The following EIF4G3 variants were observed in gnomAD, a reference collection of about 807,000 sequenced individuals.
The protein encoded by EIF4G3 is eIF-4-gamma 3.
A neutral mutation model predicts 186.4 loss-of-function variants in EIF4G3; 34 were observed. The observed-to-expected ratio is 0.18, with a 90% CI of 0.14 to 0.24. The LOEUF (loss-of-function observed/expected upper bound fraction) is 0.24, where lower values mean the gene tolerates loss of function less well. EIF4G3 is among the 10% of genes least tolerant of loss of function. The pLI is 1.00. For missense variants in EIF4G3, 1,536 were observed against 1,948.5 expected (o/e 0.79, Z 3.99); for synonymous variants, 673 against 679.5 (o/e 0.99, Z 0.15).
intron 13 of EIF4G3, among the ~76,000 whole-genome samples, chr1:20,944,803 G>T: frequency 6.6e-6 from 1 of 151,030 alleles, no homozygotes; most frequent in East Asian, 2.0e-4. Context: ...GGGAGGCCAA[G>T]GGGGAGGATC....
At chr1:20,843,102 G>T (rs1351375760) in intron 29 of EIF4G3, among the ~76,000 whole-genome samples, 1 of 152,028 alleles carries the variant, frequency 6.6e-6, no homozygotes, top group Non-Finnish European at 1.5e-5. Context: ...GCCTCCAAAA[G>T]TGCTGGGATT....
chr1:21,017,394 C>T (rs1211956518), intron 4 of EIF4G3, among the ~76,000 whole-genome samples: 4 of 151,876 alleles, frequency 2.6e-5, no homozygotes, highest in African/African-American at 7.3e-5. Flanking sequence ...TTTGGGAGGC[C>T]GAGGTGGGTG....
At chr1:20,820,382 C>G (rs543852963) in intron 33 of EIF4G3, among the ~76,000 whole-genome samples, 141 of 152,330 alleles carry the variant, frequency 9.3e-4, no homozygotes, top group African/African-American at 3.2e-3. Flanking sequence ...CAGTCAGCAC[C>G]CTCGGGTGTC....
chr1:20,810,972 C>A lies in EIF4G3; in HGVS notation c.4598-88G>T. ...TTCTTTCTTTTTTCTTTTTTTGAGACAGAGCCTCACTCTATTGCCCAGGCT... is the reference window on the plus strand; with the variant it reads ...TTCTTTCTTTTTTCTTTTTTTGAGAAAGAGCCTCACTCTATTGCCCAGGCT... On this transcript the variant is annotated intron_variant, in intron 35 of 36. Transcript: ENST00000602326. The surrounding 1 kb of genome is among the most constrained non-coding windows in gnomAD (Gnocchi z 4.1). The A allele has an allele frequency of 7.5e-7, 1 of 1,327,700 alleles. No individual in the cohort carries two copies. 82.2% of individuals were successfully genotyped at this position (1,327,700 alleles called of 1,614,324 possible).
At chr1:21,159,135 AAAAT>A (rs1234893229) in intron 2 of EIF4G3, among the ~76,000 whole-genome samples, 3 of 152,226 alleles carry the variant, frequency 2.0e-5, no homozygotes, top group African/African-American at 7.2e-5. Context: ...GCAAAGCTTA[AAAAT>A]AAAAAAACAA....
intron 3 of EIF4G3, among the ~76,000 whole-genome samples, chr1:21,070,925 A>G (rs1475071749): frequency 2.6e-5 from 4 of 152,324 alleles, no homozygotes; most frequent in South Asian, 4.1e-4. Flanking sequence ...TCATTTTATT[A>G]TATTTCATTC....
chr1:21,093,871 A>G (rs2096275951), intron 2 of EIF4G3, among the ~76,000 whole-genome samples: 1 of 152,056 alleles, frequency 6.6e-6, no homozygotes, highest in Admixed American at 6.6e-5. Context: ...ACCAAACACC[A>G]CATGTTCTCA....
intron 2 of EIF4G3, among the ~76,000 whole-genome samples, chr1:21,147,967 T>C (rs886595728): frequency 2.0e-4 from 30 of 152,322 alleles, no homozygotes; most frequent in Middle Eastern, 3.4e-3. Flanking sequence ...TATACATCAA[T>C]TTTCCTAGTG....
chr1:20,809,733 G>GAC (rs1185028310), intron 36 of EIF4G3, among the ~76,000 whole-genome samples: 4 of 152,154 alleles, frequency 2.6e-5, no homozygotes, highest in Non-Finnish European at 5.9e-5. Flanking sequence ...GTCCAATATG[G>GAC]AAGCTATTAG....
At chr1:20,909,308 T>C (rs555747968) in intron 14 of EIF4G3, among the ~76,000 whole-genome samples, 1 of 152,352 alleles carries the variant, frequency 6.6e-6, no homozygotes, top group Non-Finnish European at 1.5e-5. Context: ...ACTCTCTTTT[T>C]CTTTGCAGAA....
chr1:20,860,695 T>TA (rs1248475066), intron 23 of EIF4G3, among the ~76,000 whole-genome samples, 178 bp from the exon 24 acceptor site: 1 of 152,202 alleles, frequency 6.6e-6, no homozygotes, highest in Non-Finnish European at 1.5e-5. Flanking sequence ...GCTGAAGGAT[T>TA]AAAATCTTCT....
In EIF4G3 at chr1:21,007,674, C is replaced by T. The variant is rs149288713; in HGVS notation, c.-66-4866G>A. On this transcript the variant is annotated intron_variant, in intron 4 of 36. Transcript: ENST00000602326. The stretch of plus-strand genomic sequence containing the variant: ...GTCAACATACATCATGGAAAGATGT[C>T]CATAATAATATTAAGTGACAAAAGC... Among the ~76,000 whole-genome samples the T allele has an allele frequency of 3.8e-3, 573 of 151,498 alleles. 4 individuals carry two copies. Among genetic ancestry groups the T allele is most frequent in the African/African-American group, 0.013 (551 of 41,382 alleles).
chr1:20,860,046 A>T (rs1489198437), intron 24 of EIF4G3, among the ~76,000 whole-genome samples: 2 of 152,212 alleles, frequency 1.3e-5, no homozygotes, highest in Non-Finnish European at 2.9e-5. Context: ...TGCTTGTCAA[A>T]AGTTTTACCT....
chr1:20,810,587 CA>C lies in EIF4G3; in HGVS notation c.4744+150del. The C allele has an allele frequency of 1.0e-6, 1 of 984,416 alleles. No homozygotes were observed. Among genetic ancestry groups the C allele is most frequent in the South Asian group, 1.7e-5 (1 of 59,534 alleles). 61.0% of individuals were successfully genotyped at this position (984,416 alleles called of 1,614,324 possible). A position where few individuals can be genotyped will look rare whatever the true frequency, so the allele number is the denominator to read the frequency against. On this transcript the variant is annotated intron_variant, in intron 36 of 36. Transcript: ENST00000602326. The surrounding 1 kb of genome is among the most constrained non-coding windows in gnomAD (Gnocchi z 4.1). Reference sequence around the variant, plus strand: ...ATAGGCGCAAGCCACTGCACCCGGCCAAATTCAAATTTATTAAAGTTAGTTA... The same window carrying C: ...ATAGGCGCAAGCCACTGCACCCGGCCAATTCAAATTTATTAAAGTTAGTTA...
intron 4 of EIF4G3, among the ~76,000 whole-genome samples, chr1:21,027,587 C>T (rs1347669092): frequency 6.6e-6 from 1 of 151,694 alleles, no homozygotes; most frequent in Non-Finnish European, 1.5e-5. Context: ...CCGAGATCGC[C>T]CCACTGCACT....
intron 6 of EIF4G3, among the ~76,000 whole-genome samples, chr1:20,998,595 T>C (rs949678655): frequency 3.9e-5 from 6 of 152,138 alleles, no homozygotes; most frequent in Non-Finnish European, 8.8e-5. Flanking sequence ...GCTAAACCTC[T>C]AGGATCAAAC....
chr1:20,908,434 CT>C (rs1161270487), intron 14 of EIF4G3, among the ~76,000 whole-genome samples: 1 of 152,086 alleles, frequency 6.6e-6, no homozygotes. Flanking sequence ...GATTCTCTGT[CT>C]TCTCTCTATG....
intron 29 of EIF4G3, among the ~76,000 whole-genome samples, chr1:20,845,973 T>C (rs2070850978): frequency 6.6e-6 from 1 of 152,220 alleles, no homozygotes; most frequent in Non-Finnish European, 1.5e-5. Context: ...TCATCTCTGA[T>C]TTCTTTGAAT....
chr1:21,038,089 C>G (rs922097753), intron 4 of EIF4G3, among the ~76,000 whole-genome samples: 1 of 152,162 alleles, frequency 6.6e-6, no homozygotes, highest in Non-Finnish European at 1.5e-5. Context: ...CATTTTTGTA[C>G]TCTTTATAAT....
Sources: allele counts gnomAD v4.1 joint callset (sites outside exome capture counted in the v4.1 genomes callset), GRCh38; gene constraint gnomAD v4.1.1; non-coding constraint Gnocchi (gnomAD v3.1); transcripts MANE v1.5; gene names NCBI Gene and HGNC (gene_info 2026-07-23, HGNC 2026-07-21).